Variants in BORCS5 observed in about 807,000 individuals in gnomAD.
The protein encoded by BORCS5 is BLOC-1 related complex subunit 5.
A neutral mutation model predicts 22.1 loss-of-function variants in BORCS5; 17 were observed. The ratio of observed to expected loss-of-function variants is 0.77; its 90% confidence interval spans 0.53 to 1.15. The LOEUF (loss-of-function observed/expected upper bound fraction) is 1.15. Among genes scored for constraint, BORCS5 ranks in the 50% most tolerant of loss-of-function variants. BORCS5 has a pLI of 0.00. For synonymous variants in BORCS5, 117 were observed against 99.8 expected (o/e 1.17, Z -1.03); for missense variants, 247 against 253.2 (o/e 0.98, Z 0.17).
intron 3 of BORCS5, among the ~76,000 whole-genome samples, chr12:12,444,840 A>G (rs563841398): frequency 6.6e-6 from 1 of 152,382 alleles, no homozygotes; most frequent in South Asian, 2.1e-4. Context: ...ATTTTAGAGC[A>G]GGGTTGTCCA....
chr12:12,462,568 T>G (rs1183090144), intron 3 of BORCS5, among the ~76,000 whole-genome samples: 1 of 152,212 alleles, frequency 6.6e-6, no homozygotes, highest in Non-Finnish European at 1.5e-5. Flanking sequence ...GAACAAAAAT[T>G]GTGACTATCC....
At position 12,465,762 on chromosome 12, in the gene BORCS5, G is replaced by A. The variant is rs749182704; in HGVS notation, c.577G>A (p.Glu193Lys). 29 of 1,612,532 alleles carry A rather than the reference G, an allele frequency of 1.8e-5. No individual in the cohort carries two copies. The South Asian group carries it at 2.4e-4, about 13-fold the overall frequency. The change falls in exon 4 of 4, where the codon GAG (glutamate) becomes AAG (lysine). Residue 193 changes from glutamate to lysine, a missense_variant. By Grantham distance (56) the Glu-to-Lys change is moderately conservative. Coordinates refer to ENST00000314565, the MANE Select transcript of BORCS5 (RefSeq NM_058169.6). ...GCCCTTCAGCATGAAGCCCGACCGC[G>A]AGCTCAGGCTGTAGCTGCTGCCCGG... Reference protein sequence around the residue: ...LEPFSMKPDRELRL With the variant: ...LEPFSMKPDRKLRL
Position 12,376,873 on chromosome 12 carries a change from A to G in BORCS5, c.202+15524A>G, listed in dbSNP as rs1315205036. Among the ~76,000 whole-genome samples the G allele has an allele frequency of 2.0e-5, 3 of 152,214 alleles. No homozygotes were observed. In the South Asian group the frequency reaches 6.2e-4, roughly 31 times the overall value. On this transcript the variant is annotated intron_variant, in intron 2 of 3. Coordinates refer to ENST00000314565, the MANE Select transcript of BORCS5 (RefSeq NM_058169.6). ...TGTTGAAACTGCTGCAACCTGGTGCAGTCTTTTCAAAGGCCTTTGGTTAAT... is the reference window on the plus strand; with the variant it reads ...TGTTGAAACTGCTGCAACCTGGTGCGGTCTTTTCAAAGGCCTTTGGTTAAT...
intron 2 of BORCS5, among the ~76,000 whole-genome samples, chr12:12,362,983 A>C (rs1863325019): frequency 6.6e-6 from 1 of 151,896 alleles, no homozygotes; most frequent in South Asian, 2.1e-4. Context: ...GATTTTGAGG[A>C]ATAATGTGAT....
At position 12,463,936 on chromosome 12, in the gene BORCS5, G is replaced by A. The variant is rs1385682700; in HGVS notation, c.361-1610G>A. On this transcript the variant is annotated intron_variant, in intron 3 of 3. Coordinates refer to ENST00000314565, the MANE Select transcript of BORCS5 (RefSeq NM_058169.6). ...GGTTGCGGGGTGGAGGGCCAGGAAT[G>A]CCCTGCCAAGTAAAATGTGATGCCC... Among the ~76,000 whole-genome samples, 5 of 152,270 alleles carry A rather than the reference G, an allele frequency of 3.3e-5. No homozygotes were observed. In the East Asian group the frequency reaches 9.6e-4, roughly 29 times the overall value.
rs1466586860 is a variant in BORCS5, at chr12:12,469,164, C to G, written c.*3388C>G. The stretch of plus-strand genomic sequence containing the variant: ...GGTCAGGAGTTCCAGACCAGCCTGA[C>G]CAACATGGTGAAACCCCATCTCTAC... On this transcript the variant is annotated 3_prime_UTR_variant, in exon 4 of 4. Coordinates refer to ENST00000314565, the MANE Select transcript of BORCS5 (RefSeq NM_058169.6). 6.6e-6 allele frequency: 1 copy of G among 152,100 alleles called. No individual in the cohort carries two copies. The highest frequency in any genetic ancestry group is 1.9e-4 in the East Asian group (1 of 5,188). 9.4% of individuals were successfully genotyped at this position (152,100 alleles called of 1,614,324 possible). A position where few individuals can be genotyped will look rare whatever the true frequency, so the allele number is the denominator to read the frequency against.
At chr12:12,432,495 A>G (rs1942455534) in intron 2 of BORCS5, among the ~76,000 whole-genome samples, 1 of 152,240 alleles carries the variant, frequency 6.6e-6, no homozygotes, top group Non-Finnish European at 1.5e-5. Context: ...TGCAATTACC[A>G]TATGACCCAG....
intron 2 of BORCS5, among the ~76,000 whole-genome samples, chr12:12,392,359 T>C (rs1941216146): frequency 6.6e-6 from 1 of 152,108 alleles, no homozygotes; most frequent in Non-Finnish European, 1.5e-5. Context: ...TTTCCTATCA[T>C]GCCACACTGC....
In BORCS5 at chr12:12,357,269, C is replaced by T. The variant is rs1351676336; in HGVS notation, c.-183C>T. 2.7e-6 allele frequency: 4 copies of T among 1,459,036 alleles called. No homozygotes were observed. The highest frequency in any genetic ancestry group is 3.6e-6 in the Non-Finnish European group (4 of 1,107,340). 90.4% of individuals were successfully genotyped at this position (1,459,036 alleles called of 1,614,324 possible). A position where few individuals can be genotyped will look rare whatever the true frequency, so the allele number is the denominator to read the frequency against. ...TTTCTGTTCCCCAAATAGGGCCTCT[C>T]CTTCTCCCGCCGCCCAGGCCCCTGC... On this transcript the variant is annotated 5_prime_UTR_variant, in exon 1 of 4. Transcript: ENST00000314565.
At chr12:12,383,000 A>G (rs545100492) in intron 2 of BORCS5, among the ~76,000 whole-genome samples, 14 of 151,488 alleles carry the variant, frequency 9.2e-5, no homozygotes, top group African/African-American at 3.1e-4. Flanking sequence ...ATAGTTATTG[A>G]TCTGGTTAGA....
At chr12:12,451,069 T>C (rs1395908603) in intron 3 of BORCS5, among the ~76,000 whole-genome samples, 1 of 152,174 alleles carries the variant, frequency 6.6e-6, no homozygotes, top group Non-Finnish European at 1.5e-5. Context: ...TTTGTTTCTG[T>C]TAGAGTGTGT....
chr12:12,417,226 G>A (rs1941990124), intron 2 of BORCS5, among the ~76,000 whole-genome samples: 1 of 151,916 alleles, frequency 6.6e-6, no homozygotes, highest in Non-Finnish European at 1.5e-5. Flanking sequence ...TTGATCTGTT[G>A]GTTGTTTTAG....
intron 2 of BORCS5, among the ~76,000 whole-genome samples, chr12:12,377,720 A>G (rs1863686413): frequency 6.6e-6 from 1 of 152,164 alleles, no homozygotes; most frequent in African/African-American, 2.4e-5. Flanking sequence ...CTTCTGTAGT[A>G]TTTCAGGGGA....
chr12:12,413,108 CTTT>C (rs140916578), intron 2 of BORCS5, among the ~76,000 whole-genome samples: 279 of 20,684 alleles, frequency 0.013, 5 homozygotes, highest in African/African-American at 0.051. Flanking sequence ...GGTGATGACT[CTTT>C]TTTTTTTTTT....
intron 3 of BORCS5, among the ~76,000 whole-genome samples, chr12:12,454,842 A>G (rs1316866334): frequency 2.0e-5 from 3 of 152,196 alleles, no homozygotes; most frequent in Non-Finnish European, 4.4e-5. Flanking sequence ...TAGGATGAAT[A>G]TTAGCCATTA....
chr12:12,361,371 T>C (rs776550512), intron 2 of BORCS5, 22 bp downstream of exon 2: 15 of 1,608,930 alleles, frequency 9.3e-6, no homozygotes, highest in Admixed American at 8.3e-5. Context: ...CGTTTTGTTT[T>C]ATCTGAACTT....
chr12:12,454,061 AT>A (rs1275591258), intron 3 of BORCS5, among the ~76,000 whole-genome samples: 2 of 152,210 alleles, frequency 1.3e-5, no homozygotes, highest in East Asian at 3.9e-4. Context: ...AATAGACCAC[AT>A]TTTGTTTATC....
chr12:12,365,558 G>A (rs1014021491), intron 2 of BORCS5, among the ~76,000 whole-genome samples: 3 of 151,206 alleles, frequency 2.0e-5, no homozygotes, highest in South Asian at 2.1e-4. Context: ...TGAGAGTGGC[G>A]TGAATCTAGA....
At chr12:12,436,966 A>G (rs1176221499) in intron 3 of BORCS5, among the ~76,000 whole-genome samples, 2 of 152,220 alleles carry the variant, frequency 1.3e-5, no homozygotes, top group African/African-American at 2.4e-5. Flanking sequence ...CTTTCCAAAC[A>G]TGACTATTCA....
Sources: allele counts gnomAD v4.1 joint callset (sites outside exome capture counted in the v4.1 genomes callset), GRCh38; gene constraint gnomAD v4.1.1; transcripts MANE v1.5; gene names NCBI Gene and HGNC (gene_info 2026-07-23, HGNC 2026-07-21).